The following EPM2A variants were observed in gnomAD, a reference collection of about 807,000 sequenced individuals.
The protein encoded by EPM2A is EPM2A glucan phosphatase, laforin, also known as laforin.
EPM2A carries 21 observed loss-of-function variants against 26.5 expected under a neutral mutation model. The ratio of observed to expected loss-of-function variants is 0.79; its 90% CI spans 0.56 to 1.14. EPM2A has a LOEUF of 1.14. Among genes scored for constraint, EPM2A ranks in the 50% most tolerant of loss-of-function variants. EPM2A has a pLI of 0.00. For missense variants in EPM2A, 458 were observed against 440.8 expected (o/e 1.04, Z -0.35); for synonymous variants, 217 against 177.6 (o/e 1.22, Z -1.76).
At chr6:145,701,525 T>C (rs1343793386) in intron 1 of EPM2A, among the ~76,000 whole-genome samples, 1 of 152,184 alleles carries the variant, frequency 6.6e-6, no homozygotes, top group African/African-American at 2.4e-5. Flanking sequence ...CTGAGAGCCT[T>C]GCCTTCCCAT....
At chr6:145,470,227 C>A (rs545374891) in intron 4 of EPM2A, among the ~76,000 whole-genome samples, 1 of 152,082 alleles carries the variant, frequency 6.6e-6, no homozygotes, top group East Asian at 1.9e-4. Context: ...ATGGATATCC[C>A]ATTTTCCCTG....
At chr6:145,682,331 CAT>C (rs1050863889) in intron 2 of EPM2A, 10 of 152,174 alleles carry the variant, frequency 6.6e-5, no homozygotes, top group African/African-American at 2.2e-4. Flanking sequence ...TCCTACAACA[CAT>C]GAGAATTGTG....
At chr6:145,620,216 C>T (rs1341921602) in intron 2 of EPM2A, among the ~76,000 whole-genome samples, 1 of 152,178 alleles carries the variant, frequency 6.6e-6, no homozygotes. Context: ...TGACACTGTT[C>T]CACCTCAGAT....
At position 145,645,791 on chromosome 6, in the gene EPM2A, G is replaced by A. The variant is rs1204182623; in HGVS notation, c.477-10305C>T. Among the ~76,000 whole-genome samples the A allele has an allele frequency of 3.3e-5, 5 of 151,802 alleles. No homozygotes were observed. In the South Asian group the frequency reaches 8.3e-4, roughly 25 times the overall value. On this transcript the variant is annotated intron_variant, in intron 2 of 3. Coordinates refer to ENST00000367519, the MANE Select transcript of EPM2A (RefSeq NM_005670.4). Reference sequence around the variant, plus strand: ...GTATATTTTGCAGAGACAGGGTTTCGCCATGTTGCCCAGGCTGGTCTTGAA... The same window carrying A: ...GTATATTTTGCAGAGACAGGGTTTCACCATGTTGCCCAGGCTGGTCTTGAA...
At chr6:145,631,867 TCTCTCACACA>T (rs776374043) in intron 3 of EPM2A, 8 of 119,378 alleles carry the variant, frequency 6.7e-5, no homozygotes, top group South Asian at 3.2e-4. Context: ...TCTCTCTCTC[TCTCTCACACA>T]CACACACACA....
At chr6:145,415,249 GC>G (rs1250729487) in intron 4 of EPM2A, among the ~76,000 whole-genome samples, 1 of 152,180 alleles carries the variant, frequency 6.6e-6, no homozygotes, top group Non-Finnish European at 1.5e-5. Flanking sequence ...AAAATGTGTG[GC>G]CTGACAATGT....
intron 4 of EPM2A, among the ~76,000 whole-genome samples, chr6:145,441,328 A>C (rs1488747894): frequency 6.6e-6 from 1 of 152,218 alleles, no homozygotes; most frequent in African/African-American, 2.4e-5. Context: ...CCTGGGCCCT[A>C]GCCCACTAAA....
chr6:145,400,073 C>T (rs1347259119), intron 4 of EPM2A, among the ~76,000 whole-genome samples: 2 of 152,116 alleles, frequency 1.3e-5, no homozygotes, highest in Admixed American at 6.6e-5. Flanking sequence ...TCCCATCTGG[C>T]CTAAAACATT....
intron 2 of EPM2A, among the ~76,000 whole-genome samples, chr6:145,657,089 CT>C (rs5880652): frequency 0.47 from 57,396 of 121,418 alleles, 12,370 homozygotes; most frequent in East Asian, 0.63. Flanking sequence ...GTCATTTTTC[CT>C]TTTTTTTTTT....
chr6:145,627,831 ATTGTG>A, intron 3 of EPM2A, 138 bp from the exon 4 acceptor site: 4 of 1,263,162 alleles, frequency 3.2e-6, no homozygotes, highest in Admixed American at 4.5e-5. Flanking sequence ...TTCTTTCTGC[ATTGTG>A]AAGGAAAAAG....
chr6:145,517,638 A>G (rs1316749382), intron 2 of EPM2A, among the ~76,000 whole-genome samples: 1 of 152,210 alleles, frequency 6.6e-6, no homozygotes, highest in East Asian at 1.9e-4. Flanking sequence ...AGACTACCTA[A>G]TTTATATGAT....
At chr6:145,716,455 T>A (rs751701578) in intron 1 of EPM2A, among the ~76,000 whole-genome samples, 1 of 152,190 alleles carries the variant, frequency 6.6e-6, no homozygotes, top group African/African-American at 2.4e-5. Context: ...TAGAAAGTTG[T>A]CTGATGTTTT....
At position 145,531,449 on chromosome 6, in the gene EPM2A, T is replaced by G. The variant is rs567015648; in HGVS notation, c.341-28874A>C. 6.1e-4 allele frequency among the ~76,000 whole-genome samples: 93 copies of G among 152,306 alleles called. 1 individual carries two copies. The South Asian group carries it at 0.018, about 30-fold the overall frequency. Reference sequence around the variant, plus strand: ...TTCATTTACCCTTAATTTTTAAAATTCAGATGACAAATTTCAATCAGCTGT... The same window carrying G: ...TTCATTTACCCTTAATTTTTAAAATGCAGATGACAAATTTCAATCAGCTGT... On this transcript the variant is annotated intron_variant, in intron 2 of 3. Coordinates refer to the EPM2A transcript ENST00000450221.
Position 145,725,431 on chromosome 6 carries a change from C to T in EPM2A, c.301+9767G>A, listed in dbSNP as rs1168528490. Among the ~76,000 whole-genome samples the T allele has an allele frequency of 2.6e-5, 4 of 152,142 alleles. No homozygotes were observed. In the East Asian group the frequency reaches 5.8e-4, roughly 22 times the overall value. On this transcript the variant is annotated intron_variant, in intron 1 of 3. Transcript: ENST00000367519. ...ATCACATGATTCAGCAAACCCACTCCTAGATATCTACCCACTGATATAAAA... is the reference window on the plus strand; with the variant it reads ...ATCACATGATTCAGCAAACCCACTCTTAGATATCTACCCACTGATATAAAA...
intron 4 of EPM2A, among the ~76,000 whole-genome samples, chr6:145,386,185 T>C (rs923737114): frequency 6.6e-6 from 1 of 152,108 alleles, no homozygotes; most frequent in Non-Finnish European, 1.5e-5. Context: ...AAGGTAGTTG[T>C]AATTATTTTA....
intron 4 of EPM2A, among the ~76,000 whole-genome samples, chr6:145,429,140 G>GA (rs201530875): frequency 1.3e-4 from 20 of 151,636 alleles, no homozygotes; most frequent in Admixed American, 1.2e-3. Context: ...AATTTACAAA[G>GA]AAAAAAAATA....
At chr6:145,411,692 C>T (rs1778644785) in intron 4 of EPM2A, among the ~76,000 whole-genome samples, 1 of 152,084 alleles carries the variant, frequency 6.6e-6, no homozygotes, top group South Asian at 2.1e-4. Context: ...TAACCAGCTA[C>T]AAAAATCATC....
intron 4 of EPM2A, among the ~76,000 whole-genome samples, chr6:145,436,754 C>T (rs971314147): frequency 3.3e-5 from 5 of 151,962 alleles, no homozygotes; most frequent in African/African-American, 1.2e-4. Context: ...TCTAAATTGA[C>T]CTATTTTCAA....
intron 4 of EPM2A, among the ~76,000 whole-genome samples, chr6:145,400,278 C>T (rs1178985158): frequency 6.6e-6 from 1 of 152,110 alleles, no homozygotes; most frequent in Non-Finnish European, 1.5e-5. Context: ...CCTAAGACAC[C>T]CAACCAACTG....
Sources: allele counts gnomAD v4.1 joint callset (sites outside exome capture counted in the v4.1 genomes callset), GRCh38; gene constraint gnomAD v4.1.1; transcripts MANE v1.5; gene names NCBI Gene and HGNC (gene_info 2026-07-23, HGNC 2026-07-21).